Variants in RASAL2 observed in about 807,000 individuals in gnomAD.
The protein encoded by RASAL2 is ras GTPase-activating protein nGAP.
RASAL2 carries 58 observed loss-of-function variants against 128.9 expected under a neutral mutation model. The ratio of observed to expected loss-of-function variants is 0.45; its 90% CI spans 0.36 to 0.56. The LOEUF is 0.56. RASAL2 is among the 20% of genes least tolerant of loss of function. RASAL2 has a pLI of 0.00. For missense variants in RASAL2, 1,360 were observed against 1,601.6 expected (o/e 0.85, Z 2.57); for synonymous variants, 561 against 580.8 (o/e 0.97, Z 0.49).
chr1:178,427,946 C>T (rs555877140), intron 5 of RASAL2, among the ~76,000 whole-genome samples: 1 of 152,062 alleles, frequency 6.6e-6, no homozygotes, highest in Non-Finnish European at 1.5e-5. Flanking sequence ...TATCACATCC[C>T]TTAAAGAACT....
At chr1:178,430,905 AGTAC>A (rs1280488813) in intron 5 of RASAL2, among the ~76,000 whole-genome samples, 4 of 131,274 alleles carry the variant, frequency 3.0e-5, no homozygotes, top group Non-Finnish European at 4.6e-5. Flanking sequence ...AAGGCAAAAA[AGTAC>A]ACACACACAC....
chr1:178,197,306 A>C (rs1340418204), intron 1 of RASAL2, among the ~76,000 whole-genome samples: 1 of 152,066 alleles, frequency 6.6e-6, no homozygotes, highest in Non-Finnish European at 1.5e-5. Context: ...AAATACAAAA[A>C]TTAGCTGGGC....
rs181344552 is a variant in RASAL2, at chr1:178,383,239, A to G, written c.458-6861A>G. ...TGGGGCATGCAAACTTGAAAGGACTACTTGTTTGAGTGAAGTACTGCAGTC... is the reference window on the plus strand; with the variant it reads ...TGGGGCATGCAAACTTGAAAGGACTGCTTGTTTGAGTGAAGTACTGCAGTC... On this transcript the variant is annotated intron_variant, in intron 3 of 17. Coordinates refer to ENST00000367649, the MANE Select transcript of RASAL2 (RefSeq NM_170692.4). Among the ~76,000 whole-genome samples the G allele has an allele frequency of 8.2e-4, 125 of 152,252 alleles. 1 individual carries two copies. The highest frequency in any genetic ancestry group is 2.9e-3 in the African/African-American group (119 of 41,530).
intron 3 of RASAL2, among the ~76,000 whole-genome samples, chr1:178,357,409 A>G (rs1357845141): frequency 1.3e-5 from 2 of 151,264 alleles, no homozygotes; most frequent in Admixed American, 6.6e-5. Flanking sequence ...ACCCTTTATC[A>G]TCAGCTAAAT....
rs1282156622 is a variant in RASAL2, at chr1:178,478,015, C to A, written c.*4776C>A. On this transcript the variant is annotated 3_prime_UTR_variant, in exon 18 of 18. Coordinates refer to ENST00000367649, the MANE Select transcript of RASAL2 (RefSeq NM_170692.4). ...TCAAGTGTTTGAGTAACCAACACAG[C>A]AAGACTTGGGAAATGCAGTGAGCAC... The A allele has an allele frequency of 2.6e-5, 4 of 152,152 alleles. No homozygotes were observed. The highest frequency in any genetic ancestry group is 1.3e-4 in the Admixed American group (2 of 15,272). 9.4% of individuals were successfully genotyped at this position (152,152 alleles called of 1,614,324 possible). A position where few individuals can be genotyped will look rare whatever the true frequency, so the allele number is the denominator to read the frequency against.
rs748468787 is a variant in RASAL2, at chr1:178,443,154, A to G, written c.1407A>G (p.Pro469=). ...CCATGCTGTGTTCTGTCCTTGAGCC[A>G]GTAATTAGTGTGAGAAATAAAGAGG... ...NYTMLCSVLE[P]VISVRNKEEL... The change falls in exon 8 of 18, where the codon CCA becomes CCG. Residue 469 remains proline, a synonymous_variant. Coordinates refer to ENST00000367649, the MANE Select transcript of RASAL2 (RefSeq NM_170692.4). 2 of 1,613,818 alleles carry G rather than the reference A, an allele frequency of 1.2e-6. No homozygotes were observed. The highest frequency in any genetic ancestry group is 3.3e-5 in the Admixed American group (2 of 59,964).
intron 3 of RASAL2, among the ~76,000 whole-genome samples, chr1:178,339,956 A>G (rs770265298): frequency 6.6e-6 from 1 of 152,184 alleles, no homozygotes; most frequent in South Asian, 2.1e-4. Flanking sequence ...TCATGACCTT[A>G]TAATTCAAAC....
chr1:178,441,312 T>G (rs1488966870), intron 6 of RASAL2, among the ~76,000 whole-genome samples: 1 of 152,178 alleles, frequency 6.6e-6, no homozygotes, highest in Non-Finnish European at 1.5e-5. Flanking sequence ...TAACACTAAA[T>G]TAGTATATTA....
intron 1 of RASAL2, among the ~76,000 whole-genome samples, chr1:178,180,180 C>T (rs1161984361): frequency 6.6e-6 from 1 of 152,002 alleles, no homozygotes; most frequent in Non-Finnish European, 1.5e-5. Flanking sequence ...ACATAAAGGT[C>T]GTGTATTTTA....
chr1:178,452,991 T>G (rs1677494710), intron 11 of RASAL2, among the ~76,000 whole-genome samples: 1 of 152,134 alleles, frequency 6.6e-6, no homozygotes, highest in African/African-American at 2.4e-5. Context: ...ATGTATACTG[T>G]TATCCCAGCA....
chr1:178,219,629 C>G lies in RASAL2; in HGVS notation c.203-63935C>G, dbSNP rs146292782. Among the ~76,000 whole-genome samples the G allele has an allele frequency of 2.0e-3, 264 of 133,482 alleles. 1 individual carries two copies. Among genetic ancestry groups the G allele is most frequent in the African/African-American group, 7.4e-3 (260 of 35,310 alleles). 87.6% of individuals were successfully genotyped at this position (133,482 alleles called of 152,430 possible). On this transcript the variant is annotated intron_variant, in intron 1 of 17. Coordinates refer to ENST00000367649, the MANE Select transcript of RASAL2 (RefSeq NM_170692.4). ...TAAGTGACAGAGTGAGACTCTGCCT[C>G]AGGAAAAAAAAAAAAAAAGAAAGAA...
At chr1:178,420,137 T>C (rs1409230089) in intron 4 of RASAL2, among the ~76,000 whole-genome samples, 1 of 152,198 alleles carries the variant, frequency 6.6e-6, no homozygotes, top group Non-Finnish European at 1.5e-5. Context: ...AATCAGTAGA[T>C]GTCATTTGTA....
At position 178,335,921 on chromosome 1, in the gene RASAL2, G is replaced by GA. The variant is rs1229967410; in HGVS notation, c.457+35814dup. Among the ~76,000 whole-genome samples the GA allele has an allele frequency of 3.0e-3, 434 of 142,882 alleles. 9 individuals carry two copies. The East Asian group carries it at 0.064, about 21-fold the overall frequency. 93.7% of individuals were successfully genotyped at this position (142,882 alleles called of 152,430 possible). On this transcript the variant is annotated intron_variant, in intron 3 of 17. Transcript: ENST00000367649. ...GGAAAGTATAGAAAGCTATGAAGAG[G>GA]AAAAAAAAAAACCCAAAATGCCAAT...
In RASAL2 at chr1:178,097,726, C is replaced by T. The variant is rs144600857; in HGVS notation, c.202+3032C>T. ...AACAAACAACAACAGAAGTAACCCC[C>T]CAAAGAATATCTTAACAGGAACTTC... On this transcript the variant is annotated intron_variant, in intron 1 of 17. Coordinates refer to ENST00000367649, the MANE Select transcript of RASAL2 (RefSeq NM_170692.4). Among the ~76,000 whole-genome samples, 331 of 152,180 alleles carry T rather than the reference C, an allele frequency of 2.2e-3. 1 individual carries two copies. Among genetic ancestry groups the T allele is most frequent in the Non-Finnish European group, 3.6e-3 (245 of 68,012 alleles).
At chr1:178,269,619 C>T (rs1666149641) in intron 1 of RASAL2, among the ~76,000 whole-genome samples, 1 of 152,222 alleles carries the variant, frequency 6.6e-6, no homozygotes, top group South Asian at 2.1e-4. Context: ...GACCTCTGGT[C>T]GTCCTCACTT....
chr1:178,156,958 A>G (rs867825386), intron 1 of RASAL2, among the ~76,000 whole-genome samples: 1 of 152,160 alleles, frequency 6.6e-6, no homozygotes, highest in African/African-American at 2.4e-5. Flanking sequence ...TAATCTATAA[A>G]TCAGCAGTTT....
chr1:178,371,047 A>AG (rs1401599584), intron 3 of RASAL2, among the ~76,000 whole-genome samples: 1 of 151,900 alleles, frequency 6.6e-6, no homozygotes, highest in Non-Finnish European at 1.5e-5. Flanking sequence ...CCTAGTAACA[A>AG]GCCTAATCAA....
chr1:178,273,919 C>T (rs1666375277), intron 1 of RASAL2, among the ~76,000 whole-genome samples: 1 of 152,094 alleles, frequency 6.6e-6, no homozygotes, highest in African/African-American at 2.4e-5. Context: ...TTGTGCTCAT[C>T]GAATTGGGTT....
At chr1:178,470,070 A>G (rs1444322233) in intron 17 of RASAL2, among the ~76,000 whole-genome samples, 2 of 152,212 alleles carry the variant, frequency 1.3e-5, no homozygotes, top group African/African-American at 4.8e-5. Flanking sequence ...GACTTTAAAC[A>G]TCCTTTGGCA....
Sources: gnomAD v4.1 joint callset for allele counts (sites outside exome capture counted in the v4.1 genomes callset) on GRCh38, gnomAD v4.1.1 for gene constraint, MANE v1.5 for transcripts, NCBI Gene and HGNC (gene_info 2026-07-23, HGNC 2026-07-21) for gene names.